Variants in EXOC4 observed in about 807,000 individuals in gnomAD.
The protein encoded by EXOC4 is exocyst complex component 4, also known as SEC8-like 1.
Under a neutral mutation model 107.2 loss-of-function variants are expected in EXOC4, and 71 were observed. The ratio of observed to expected loss-of-function variants is 0.66; its 90% CI spans 0.55 to 0.81. The LOEUF (loss-of-function observed/expected upper bound fraction) is 0.81, where lower values mean the gene tolerates loss of function less well. Among genes scored for constraint, EXOC4 ranks in the 30% least tolerant of loss-of-function variants. The pLI is 0.00. For missense variants in EXOC4, 1,108 were observed against 1,189.6 expected (o/e 0.93, Z 1.01); for synonymous variants, 456 against 441.2 (o/e 1.03, Z -0.42).
chr7:133,975,932 T>C (rs1054964312), intron 14 of EXOC4, among the ~76,000 whole-genome samples: 1 of 152,208 alleles, frequency 6.6e-6, no homozygotes, highest in Non-Finnish European at 1.5e-5. Flanking sequence ...CTTCACAGCC[T>C]GTGCTTTTAA....
At chr7:133,813,667 T>G (rs1366027331) in intron 10 of EXOC4, among the ~76,000 whole-genome samples, 3 of 152,174 alleles carry the variant, frequency 2.0e-5, no homozygotes, top group African/African-American at 7.2e-5. Flanking sequence ...CTTCTTTCAC[T>G]CACCCTCTCT....
chr7:133,505,517 T>A (rs908363436), intron 9 of EXOC4, among the ~76,000 whole-genome samples: 8 of 152,274 alleles, frequency 5.3e-5, no homozygotes, highest in African/African-American at 1.7e-4. Context: ...TATTTTGTTT[T>A]AATGACATGA....
chr7:133,671,376 C>T (rs529282635), intron 10 of EXOC4, among the ~76,000 whole-genome samples: 1 of 152,120 alleles, frequency 6.6e-6, no homozygotes, highest in South Asian at 2.1e-4. Flanking sequence ...CCAGCCTGGC[C>T]AACATGGCGA....
At chr7:133,471,304 C>A (rs190949291) in intron 7 of EXOC4, among the ~76,000 whole-genome samples, 1 of 151,146 alleles carries the variant, frequency 6.6e-6, no homozygotes, top group South Asian at 2.1e-4. Flanking sequence ...CCCTGCTACT[C>A]GGGAGGCTGA....
rs1412257243 is a variant in EXOC4, at chr7:133,823,906, TATATAA to T, written c.1734+6368_1734+6373del. On this transcript the variant is annotated intron_variant, in intron 11 of 17. Transcript: ENST00000253861. ...TATATATATATATTTTATATATATA[TATATAA>T]ATATATATATAAATTATATATATAT... Among the ~76,000 whole-genome samples, 18 of 29,080 alleles carry T rather than the reference TATATAA, an allele frequency of 6.2e-4. 1 individual carries two copies. Among genetic ancestry groups the T allele is most frequent in the African/African-American group, 2.9e-3 (8 of 2,738 alleles). 19.1% of individuals were successfully genotyped at this position (29,080 alleles called of 152,430 possible).
chr7:133,334,046 G>A (rs960668357), intron 5 of EXOC4, among the ~76,000 whole-genome samples: 3 of 152,026 alleles, frequency 2.0e-5, no homozygotes, highest in Non-Finnish European at 2.9e-5. Flanking sequence ...CTCACTTATG[G>A]TTATGTTATT....
At chr7:133,938,915 G>T (rs1381598419) in intron 14 of EXOC4, among the ~76,000 whole-genome samples, 1 of 152,186 alleles carries the variant, frequency 6.6e-6, no homozygotes, top group African/African-American at 2.4e-5. Flanking sequence ...CGATTCTCAT[G>T]CTTCAGCCTC....
At chr7:133,630,193 A>T in intron 10 of EXOC4, 52 bp downstream of exon 10, 2 of 1,392,650 alleles carry the variant, frequency 1.4e-6, no homozygotes, top group East Asian at 2.3e-5. Flanking sequence ...TTCATTATTT[A>T]TGCTGGTCTA....
intron 10 of EXOC4, among the ~76,000 whole-genome samples, chr7:133,762,541 G>C (rs1455954914): frequency 2.6e-5 from 4 of 152,042 alleles, no homozygotes; most frequent in Non-Finnish European, 4.4e-5. Context: ...TTCACTGATA[G>C]ATATTTATAT....
chr7:133,697,096 A>T (rs1256375026), intron 10 of EXOC4, among the ~76,000 whole-genome samples: 2 of 152,186 alleles, frequency 1.3e-5, no homozygotes, highest in East Asian at 3.9e-4. Context: ...CTATAGGGTA[A>T]GGCTTGGGAC....
At chr7:133,850,226 C>G (rs1426794294) in intron 11 of EXOC4, among the ~76,000 whole-genome samples, 4 of 152,088 alleles carry the variant, frequency 2.6e-5, no homozygotes, top group Non-Finnish European at 5.9e-5. Flanking sequence ...TGGCACTGAC[C>G]AGAATGTAGA....
chr7:134,058,897 C>T (rs1451339852), intron 17 of EXOC4, among the ~76,000 whole-genome samples: 2 of 151,454 alleles, frequency 1.3e-5, no homozygotes, highest in Non-Finnish European at 2.9e-5. Flanking sequence ...ATATGTATAA[C>T]GTAGATAATT....
rs557677005 is a variant in EXOC4, at chr7:134,017,774, G to C, written c.2687+9939G>C. Among the ~76,000 whole-genome samples, 7 of 152,272 alleles carry C rather than the reference G, an allele frequency of 4.6e-5. No individual in the cohort carries two copies. The South Asian group carries it at 1.5e-3, about 32-fold the overall frequency. On this transcript the variant is annotated intron_variant, in intron 17 of 17. Transcript: ENST00000253861. ...TCAAAAAAATCTCTCAGTAACTGAC[G>C]TTTGATTCCCCATAAACATATCTCA...
chr7:133,977,869 G>A (rs1793880147), intron 14 of EXOC4, among the ~76,000 whole-genome samples: 2 of 152,144 alleles, frequency 1.3e-5, no homozygotes, highest in Admixed American at 1.3e-4. Context: ...TAAGGAAGCA[G>A]GGAAGGCAAG....
At chr7:133,588,622 G>A (rs936467519) in intron 9 of EXOC4, among the ~76,000 whole-genome samples, 1 of 152,130 alleles carries the variant, frequency 6.6e-6, no homozygotes, top group Admixed American at 6.6e-5. Flanking sequence ...GCCGGGTGTG[G>A]TGGCTCATGC....
chr7:133,807,906 A>C (rs974459109), intron 10 of EXOC4, among the ~76,000 whole-genome samples: 1 of 152,192 alleles, frequency 6.6e-6, no homozygotes, highest in Non-Finnish European at 1.5e-5. Flanking sequence ...GTCACAAATC[A>C]CTTGCAATAT....
intron 7 of EXOC4, among the ~76,000 whole-genome samples, chr7:133,440,765 G>A (rs775300901): frequency 1.8e-4 from 28 of 152,168 alleles, no homozygotes; most frequent in South Asian, 6.2e-4. Context: ...TTCCATAGAG[G>A]AAGTTACCCT....
At chr7:133,382,000 A>G (rs993679452) in intron 7 of EXOC4, among the ~76,000 whole-genome samples, 7 of 152,178 alleles carry the variant, frequency 4.6e-5, no homozygotes, top group Admixed American at 3.3e-4. Flanking sequence ...TCTTATGCAC[A>G]CTGAAGTTTG....
At chr7:133,965,659 C>G (rs2953631) in intron 14 of EXOC4, among the ~76,000 whole-genome samples, 105,419 of 151,186 alleles carry the variant, frequency 0.7, 37,118 homozygotes, top group East Asian at 0.91. Flanking sequence ...ATTTCTGAGT[C>G]CTCTGTTCTG....
Sources: allele counts gnomAD v4.1 joint callset (sites outside exome capture counted in the v4.1 genomes callset), GRCh38; gene constraint gnomAD v4.1.1; transcripts MANE v1.5; gene names NCBI Gene and HGNC (gene_info 2026-07-23, HGNC 2026-07-21).